The following C8orf34 variants were observed in gnomAD, a reference collection of about 807,000 sequenced individuals.
C8orf34 encodes the protein uncharacterized protein C8orf34.
A neutral mutation model predicts 68.3 loss-of-function variants in C8orf34; 65 were observed. That is an observed-to-expected ratio of 0.95 (90% CI 0.78 to 1.17). The LOEUF (loss-of-function observed/expected upper bound fraction) is 1.17. Among genes scored for constraint, C8orf34 ranks in the 50% most tolerant of loss-of-function variants. The probability of loss-of-function intolerance (pLI) is 0.00; values close to 1 mark genes in which losing one functional copy is unlikely to be tolerated. For missense variants in C8orf34, 664 were observed against 655.4 expected (o/e 1.01, Z -0.14); for synonymous variants, 244 against 241.2 (o/e 1.01, Z -0.11).
At chr8:68,738,873 C>A (rs1822198301) in intron 10 of C8orf34, among the ~76,000 whole-genome samples, 1 of 152,088 alleles carries the variant, frequency 6.6e-6, no homozygotes, top group South Asian at 2.1e-4. Context: ...AAATCTCATA[C>A]CATTCCTGGT....
chr8:68,714,902 G>T (rs959395103), intron 9 of C8orf34, among the ~76,000 whole-genome samples: 1 of 152,120 alleles, frequency 6.6e-6, no homozygotes, highest in Non-Finnish European at 1.5e-5. Context: ...TACCAAAACA[G>T]CATAGTAGTA....
At chr8:68,510,990 G>T (rs1814247608) in intron 5 of C8orf34, among the ~76,000 whole-genome samples, 1 of 152,188 alleles carries the variant, frequency 6.6e-6, no homozygotes, top group Non-Finnish European at 1.5e-5. Flanking sequence ...AGTCTCCCCA[G>T]TGGGCTTATA....
intron 1 of C8orf34, among the ~76,000 whole-genome samples, chr8:68,400,206 T>C (rs974232269): frequency 1.3e-5 from 2 of 152,196 alleles, no homozygotes; most frequent in African/African-American, 4.8e-5. Context: ...TTTTGTTGCC[T>C]GTGCTTTTGA....
At chr8:68,564,716 G>A in intron 7 of C8orf34, among the ~76,000 whole-genome samples, 1 of 152,174 alleles carries the variant, frequency 6.6e-6, no homozygotes, top group Non-Finnish European at 1.5e-5. Flanking sequence ...CAGGTGACGG[G>A]AAAGATAACA....
intron 7 of C8orf34, among the ~76,000 whole-genome samples, chr8:68,619,003 T>C (rs1168119556): frequency 1.3e-5 from 2 of 152,108 alleles, no homozygotes; most frequent in African/African-American, 2.4e-5. Context: ...GGAAAAGTCT[T>C]CATGGAGGGC....
chr8:68,378,873 G>C (rs1807916771), intron 1 of C8orf34, among the ~76,000 whole-genome samples: 1 of 152,078 alleles, frequency 6.6e-6, no homozygotes. Context: ...TATTTTTAAA[G>C]TATGAAATTT....
intron 7 of C8orf34, among the ~76,000 whole-genome samples, chr8:68,565,339 A>T (rs1361968997): frequency 6.6e-6 from 1 of 152,150 alleles, no homozygotes; most frequent in African/African-American, 2.4e-5. Flanking sequence ...ACATGTTAGG[A>T]AGCAAATCAA....
chr8:68,595,518 T>C (rs1489444997), intron 7 of C8orf34, among the ~76,000 whole-genome samples: 1 of 152,096 alleles, frequency 6.6e-6, no homozygotes. Context: ...GCTCTCAGGA[T>C]TCTTATATTT....
intron 1 of C8orf34, among the ~76,000 whole-genome samples, chr8:68,412,880 T>C (rs976452637): frequency 3.9e-5 from 6 of 152,130 alleles, no homozygotes; most frequent in Non-Finnish European, 8.8e-5. Context: ...ACTTCTTCGT[T>C]GTCCCTTATC....
intron 12 of C8orf34, among the ~76,000 whole-genome samples, chr8:68,815,652 T>A (rs958667273): frequency 6.6e-6 from 1 of 152,116 alleles, no homozygotes; most frequent in Non-Finnish European, 1.5e-5. Context: ...CCTTACATTT[T>A]ATTGGAAAAA....
chr8:68,674,344 A>G (rs1479480231), intron 8 of C8orf34, among the ~76,000 whole-genome samples: 2 of 152,192 alleles, frequency 1.3e-5, no homozygotes, highest in East Asian at 1.9e-4. Flanking sequence ...AGAGAGAGAT[A>G]TGATCTTTCA....
intron 7 of C8orf34, among the ~76,000 whole-genome samples, chr8:68,537,289 A>G (rs1316520242): frequency 1.3e-5 from 2 of 152,084 alleles, no homozygotes; most frequent in Non-Finnish European, 2.9e-5. Context: ...ATGTAAAATA[A>G]TCTAAAACAC....
At chr8:68,386,456 C>T (rs1281128662) in intron 1 of C8orf34, among the ~76,000 whole-genome samples, 1 of 152,074 alleles carries the variant, frequency 6.6e-6, no homozygotes, top group Non-Finnish European at 1.5e-5. Context: ...TTGTATAAAA[C>T]ATATATTTAT....
chr8:68,637,879 T>A (rs1563577784), intron 7 of C8orf34, among the ~76,000 whole-genome samples: 2 of 152,160 alleles, frequency 1.3e-5, no homozygotes, highest in African/African-American at 4.8e-5. Context: ...TCATGAGGGA[T>A]AGCATATCCA....
intron 1 of C8orf34, among the ~76,000 whole-genome samples, chr8:68,430,359 T>C (rs1340399523): frequency 1.3e-5 from 2 of 152,068 alleles, no homozygotes; most frequent in African/African-American, 4.8e-5. Context: ...GTATCCTTTA[T>C]AATAAACCTG....
intron 8 of C8orf34, among the ~76,000 whole-genome samples, chr8:68,679,252 A>C (rs1383700809): frequency 6.6e-6 from 1 of 152,120 alleles, no homozygotes; most frequent in Admixed American, 6.6e-5. Context: ...CCACCACTGC[A>C]CTCCAGCCTG....
intron 10 of C8orf34, among the ~76,000 whole-genome samples, chr8:68,763,194 T>C (rs577987508): frequency 1.9e-4 from 29 of 152,212 alleles, no homozygotes; most frequent in Non-Finnish European, 3.7e-4. Flanking sequence ...AAGACTAGGC[T>C]GAAGGGGTTT....
intron 8 of C8orf34, among the ~76,000 whole-genome samples, chr8:68,689,391 C>T (rs1209351986): frequency 1.3e-5 from 2 of 151,926 alleles, no homozygotes; most frequent in African/African-American, 2.4e-5. Context: ...ACTACTTGTA[C>T]CCCAAAAGCA....
intron 1 of C8orf34, among the ~76,000 whole-genome samples, chr8:68,420,954 T>C (rs192421708): frequency 6.6e-6 from 1 of 150,454 alleles, no homozygotes; most frequent in East Asian, 1.9e-4. Flanking sequence ...TTAACTGAGG[T>C]CCCAGAAGTA....
Sources: allele counts gnomAD v4.1 joint callset (sites outside exome capture counted in the v4.1 genomes callset), GRCh38; gene constraint gnomAD v4.1.1; transcripts MANE v1.5; gene names NCBI Gene and HGNC (gene_info 2026-07-23, HGNC 2026-07-21).